INPP4B: variants seen among roughly 807,000 people sequenced by gnomAD.
INPP4B encodes inositol polyphosphate 4-phosphatase type II.
INPP4B carries 55 observed loss-of-function variants against 122.5 expected under a neutral mutation model. The ratio of observed to expected loss-of-function variants is 0.45; its 90% confidence interval spans 0.36 to 0.56. INPP4B has a LOEUF of 0.56. Ranked by LOEUF, INPP4B falls within the 20% of genes least tolerant of loss-of-function variation. The pLI, the probability that INPP4B is intolerant of heterozygous loss-of-function variation, is 0.00. For missense variants in INPP4B, 1,000 were observed against 1,097.7 expected, an observed-to-expected ratio of 0.91 and a Z score of 1.26; for synonymous variants, 403 against 388.7, an observed-to-expected ratio of 1.04 and a Z score of -0.43.
chr4:142,444,877 G>A (rs943251996), intron 3 of INPP4B, among the ~76,000 whole-genome samples: 1 of 152,018 alleles, frequency 6.6e-6, no homozygotes, highest in Admixed American at 6.6e-5. Flanking sequence ...GGATATGGAC[G>A]AAGCTGGAAA....
rs1167879169 is a variant in INPP4B at position 142,615,315 on chromosome 4, A to T, written c.-191+110524T>A. Among the ~76,000 whole-genome samples, 4 of 152,154 alleles carry T rather than the reference A, an allele frequency of 2.6e-5. No homozygotes were observed. In the East Asian group the frequency reaches 7.7e-4, roughly 29 times the overall value. On this transcript the variant is annotated intron_variant, in intron 2 of 25. Coordinates refer to ENST00000262992, the MANE Select transcript of INPP4B (RefSeq NM_001101669.3). ...GGAAGGAGTTACAGGCAAAGTAATA[A>T]ATCAATACATGGAAGTTATATGTTG...
chr4:142,467,905 G>A (rs560325315), intron 2 of INPP4B: 2 of 152,196 alleles, frequency 1.3e-5, no homozygotes, highest in East Asian at 1.9e-4. Flanking sequence ...GCAATATCTG[G>A]TTATTTAAAA....
At chr4:142,354,040 C>A (rs1782785855) in intron 7 of INPP4B, among the ~76,000 whole-genome samples, 1 of 152,012 alleles carries the variant, frequency 6.6e-6, no homozygotes, top group South Asian at 2.1e-4. Flanking sequence ...TTCAAGGTCA[C>A]AGAGCAAAAC....
At chr4:142,140,958 G>A (rs1018985577) in intron 18 of INPP4B, among the ~76,000 whole-genome samples, 10 of 152,118 alleles carry the variant, frequency 6.6e-5, no homozygotes, top group Non-Finnish European at 8.8e-5. Flanking sequence ...TATTTGTATC[G>A]CTGCGCTTAA....
chr4:142,698,919 T>TTCC (rs1761363051), intron 2 of INPP4B, among the ~76,000 whole-genome samples: 1 of 152,152 alleles, frequency 6.6e-6, no homozygotes, highest in Non-Finnish European at 1.5e-5. Context: ...CTCCTACCCC[T>TTCC]TCCTTTTCAC....
chr4:142,694,399 G>GAA, intron 2 of INPP4B, among the ~76,000 whole-genome samples: 1 of 143,816 alleles, frequency 7.0e-6, no homozygotes, highest in African/African-American at 2.5e-5. Context: ...AAGAAAAAAA[G>GAA]AAAAAAAAAA....
intron 25 of INPP4B, among the ~76,000 whole-genome samples, chr4:142,069,168 A>G (rs1235395989): frequency 6.6e-6 from 1 of 152,200 alleles, no homozygotes; most frequent in Non-Finnish European, 1.5e-5. Flanking sequence ...AGAACTCAGG[A>G]TTAAGAAACT....
At chr4:142,099,348 T>C (rs182278628) in intron 23 of INPP4B, among the ~76,000 whole-genome samples, 3 of 152,178 alleles carry the variant, frequency 2.0e-5, no homozygotes, top group African/African-American at 7.2e-5. Flanking sequence ...TATGAAGAAT[T>C]CCTCAGCCAT....
chr4:142,204,877 T>C (rs987667996), intron 14 of INPP4B, among the ~76,000 whole-genome samples: 1 of 152,036 alleles, frequency 6.6e-6, no homozygotes, highest in Non-Finnish European at 1.5e-5. Flanking sequence ...CCCAGAATTG[T>C]GAAAAAAATA....
At position 142,410,614 on chromosome 4, in the gene INPP4B, A is replaced by C. The variant is rs540329729; in HGVS notation, c.137-5290T>G. Among the ~76,000 whole-genome samples, 15 of 152,344 alleles carry C rather than the reference A, an allele frequency of 9.8e-5. No individual in the cohort carries two copies. The East Asian group carries it at 1.7e-3, about 18-fold the overall frequency. On this transcript the variant is annotated intron_variant, in intron 5 of 25. Coordinates refer to ENST00000262992, the MANE Select transcript of INPP4B (RefSeq NM_001101669.3). ...TACCATAGTGTATGGAGGATAAAGA[A>C]ATTTTTTTTAACTTAAGATAAAACC...
intron 7 of INPP4B, among the ~76,000 whole-genome samples, chr4:142,351,093 A>G (rs1476883554): frequency 6.6e-6 from 1 of 151,988 alleles, no homozygotes; most frequent in African/African-American, 2.4e-5. Flanking sequence ...CCAGTTTGCA[A>G]TACTTCCAAC....
chr4:142,449,090 A>G (rs1813571238), intron 3 of INPP4B, among the ~76,000 whole-genome samples: 1 of 152,144 alleles, frequency 6.6e-6, no homozygotes, highest in South Asian at 2.1e-4. Flanking sequence ...TATTAAATTC[A>G]GTGAGGACCT....
intron 1 of INPP4B, among the ~76,000 whole-genome samples, chr4:142,750,169 A>G: frequency 6.6e-6 from 1 of 152,230 alleles, no homozygotes; most frequent in Middle Eastern, 3.4e-3. Context: ...TAATATAATA[A>G]AGATAAAACT....
chr4:142,037,264 TGAG>T (rs1369776279), intron 25 of INPP4B, among the ~76,000 whole-genome samples: 1 of 152,180 alleles, frequency 6.6e-6, no homozygotes, highest in Non-Finnish European at 1.5e-5. Flanking sequence ...ACTGCCTACA[TGAG>T]GAGATATATC....
intron 9 of INPP4B, among the ~76,000 whole-genome samples, chr4:142,284,202 T>A (rs760516123): frequency 3.3e-5 from 5 of 152,088 alleles, no homozygotes; most frequent in Non-Finnish European, 7.4e-5. Context: ...GGTTCTGCTA[T>A]AAAGAGGACC....
chr4:142,382,595 A>T (rs1251045577), intron 7 of INPP4B, among the ~76,000 whole-genome samples: 2 of 135,568 alleles, frequency 1.5e-5, no homozygotes, highest in East Asian at 4.0e-4. Context: ...ATATACTATA[A>T]ATATATATAT....
chr4:142,497,345 A>C (rs1822717644), intron 2 of INPP4B, among the ~76,000 whole-genome samples: 1 of 152,206 alleles, frequency 6.6e-6, no homozygotes. Context: ...TTATCTTGAC[A>C]TTCATTAAAA....
chr4:142,061,885 C>T lies in INPP4B; in HGVS notation c.2642+20146G>A, dbSNP rs199923026. 1.6e-3 allele frequency among the ~76,000 whole-genome samples: 229 copies of T among 138,848 alleles called. 1 individual carries two copies. The highest frequency in any genetic ancestry group is 3.9e-3 in the African/African-American group (127 of 32,884). The allele number at this position is 138,848 out of a possible 152,430, so 91.1% of individuals were successfully genotyped here. A position where few individuals can be genotyped will look rare whatever the true frequency, so the allele number is the denominator to read the frequency against. ...ATATGTACACACACACACACACACA[C>T]ATATATATATATATATATATATATA... On this transcript the variant is annotated intron_variant, in intron 25 of 25. Coordinates refer to ENST00000262992, the MANE Select transcript of INPP4B (RefSeq NM_001101669.3).
At chr4:142,246,720 T>C (rs540368289) in intron 11 of INPP4B, among the ~76,000 whole-genome samples, 9 of 152,198 alleles carry the variant, frequency 5.9e-5, no homozygotes, top group Non-Finnish European at 1.0e-4. Context: ...GTTTTCTAAA[T>C]ATAGAATCAT....
Sources: allele counts gnomAD v4.1 joint callset (sites outside exome capture counted in the v4.1 genomes callset), GRCh38; gene constraint gnomAD v4.1.1; transcripts MANE v1.5; gene names NCBI Gene and HGNC (gene_info 2026-07-23, HGNC 2026-07-21).